Variants in LEKR1 observed in about 807,000 individuals in gnomAD.
LEKR1 encodes protein LEKR1.
In LEKR1, 59 loss-of-function variants were observed where a neutral mutation model predicts 72.4. That is an observed-to-expected ratio of 0.82 (90% CI 0.66 to 1.01). LEKR1 has a LOEUF of 1.01. LEKR1 is among the 50% of genes least tolerant of loss of function. The probability of loss-of-function intolerance (pLI) is 0.00; values close to 1 mark genes in which losing one functional copy is unlikely to be tolerated. For synonymous variants in LEKR1, 257 were observed against 263.2 expected, an observed-to-expected ratio of 0.98 and a Z score of 0.23; for missense variants, 728 against 759.2, an observed-to-expected ratio of 0.96 and a Z score of 0.48.
At chr3:156,880,066 G>A (rs1719102055) in intron 3 of LEKR1, among the ~76,000 whole-genome samples, 1 of 152,222 alleles carries the variant, frequency 6.6e-6, no homozygotes, top group Non-Finnish European at 1.5e-5. Context: ...GCCTAGTGGA[G>A]CTATGAGAAG....
chr3:157,008,494 G>A (rs1303277672), intron 9 of LEKR1, among the ~76,000 whole-genome samples: 1 of 152,094 alleles, frequency 6.6e-6, no homozygotes, highest in Non-Finnish European at 1.5e-5. Flanking sequence ...CAACCACTCA[G>A]TTTAGGAAAA....
intron 6 of LEKR1, among the ~76,000 whole-genome samples, chr3:156,960,660 C>T (rs1294430855): frequency 6.6e-6 from 1 of 152,064 alleles, no homozygotes; most frequent in Non-Finnish European, 1.5e-5. Context: ...CATTTTTTCC[C>T]TTTATTTCTG....
chr3:156,932,184 A>G (rs1725287198), intron 5 of LEKR1, among the ~76,000 whole-genome samples: 1 of 152,198 alleles, frequency 6.6e-6, no homozygotes, highest in Admixed American at 6.5e-5. Context: ...AGTAATGTGT[A>G]TATTTGTGTC....
intron 4 of LEKR1, chr3:156,924,730 A>G (rs2108574442): frequency 2.5e-6 from 1 of 404,766 alleles, no homozygotes; most frequent in East Asian, 3.6e-5. Context: ...GAATTGCCTC[A>G]GCATCTTTGC....
At chr3:157,043,434 A>G (rs1314273711) in intron 12 of LEKR1, among the ~76,000 whole-genome samples, 1 of 145,072 alleles carries the variant, frequency 6.9e-6, no homozygotes, top group Non-Finnish European at 1.5e-5. Context: ...GCAAAACCAG[A>G]TGAAAATGTC....
At chr3:156,865,502 C>T (rs577270881) in intron 3 of LEKR1, among the ~76,000 whole-genome samples, 114 of 152,178 alleles carry the variant, frequency 7.5e-4, no homozygotes, top group African/African-American at 2.7e-3. Flanking sequence ...TCACCTTCCT[C>T]TTAAATATTT....
At chr3:156,946,551 G>A (rs1414252116) in intron 6 of LEKR1, among the ~76,000 whole-genome samples, 7 of 151,188 alleles carry the variant, frequency 4.6e-5, no homozygotes, top group Non-Finnish European at 1.0e-4. Context: ...ATTTTTCCCT[G>A]CTCAGTATGA....
At chr3:157,005,552 C>T (rs1732357843) in intron 9 of LEKR1, among the ~76,000 whole-genome samples, 1 of 151,932 alleles carries the variant, frequency 6.6e-6, no homozygotes, top group African/African-American at 2.4e-5. Flanking sequence ...AAATTCTAAA[C>T]AAAATTTTAG....
chr3:156,900,248 C>T (rs933698712), intron 3 of LEKR1, among the ~76,000 whole-genome samples: 1 of 152,042 alleles, frequency 6.6e-6, no homozygotes, highest in Non-Finnish European at 1.5e-5. Flanking sequence ...TAGATTCTTA[C>T]GTAAAATCTC....
intron 6 of LEKR1, among the ~76,000 whole-genome samples, chr3:156,949,479 G>A (rs1250008981): frequency 1.3e-5 from 2 of 151,362 alleles, no homozygotes; most frequent in African/African-American, 4.8e-5. Flanking sequence ...GTAGGTTTGC[G>A]TTTTTATTTC....
intron 10 of LEKR1, among the ~76,000 whole-genome samples, chr3:157,012,002 C>CA (rs981837570): frequency 7.3e-4 from 110 of 150,752 alleles, no homozygotes; most frequent in East Asian, 1.6e-3. Context: ...TGTTAGAGAA[C>CA]AAAAAAAAAT....
At chr3:156,886,099 T>C (rs1015191576) in intron 3 of LEKR1, among the ~76,000 whole-genome samples, 3 of 152,144 alleles carry the variant, frequency 2.0e-5, no homozygotes, top group Non-Finnish European at 4.4e-5. Context: ...TAGGCAGGTC[T>C]GGGTTCAGAC....
intron 3 of LEKR1, among the ~76,000 whole-genome samples, chr3:156,858,230 G>A (rs144874239): frequency 2.6e-5 from 4 of 152,068 alleles, no homozygotes; most frequent in Middle Eastern, 3.4e-3. Flanking sequence ...GTTTATTTGC[G>A]TTTGATTGAG....
intron 7 of LEKR1, among the ~76,000 whole-genome samples, chr3:156,982,798 GAT>G (rs902385268): frequency 1.3e-5 from 2 of 151,344 alleles, no homozygotes; most frequent in Non-Finnish European, 2.9e-5. Context: ...AACATATATG[GAT>G]ATAAAATATA....
intron 7 of LEKR1, among the ~76,000 whole-genome samples, chr3:156,983,922 C>G (rs778064413): frequency 3.3e-5 from 5 of 152,030 alleles, no homozygotes; most frequent in Non-Finnish European, 5.9e-5. Flanking sequence ...GAAGAAACAC[C>G]TCCCCCCAAG....
intron 3 of LEKR1, among the ~76,000 whole-genome samples, chr3:156,918,522 A>G (rs998787103): frequency 3.3e-5 from 5 of 152,112 alleles, no homozygotes; most frequent in Non-Finnish European, 7.4e-5. Flanking sequence ...GATACCAAAG[A>G]TGATAGACCA....
rs191962384 is a variant in LEKR1, at chr3:156,935,405, A to G, written c.560-7124A>G. Among the ~76,000 whole-genome samples, 679 of 152,292 alleles carry G rather than the reference A, an allele frequency of 4.5e-3. 2 individuals carry two copies. Among genetic ancestry groups the G allele is most frequent in the African/African-American group, 0.016 (656 of 41,574 alleles). ...GTGCTATCACAGCAATCAAATTTCC[A>G]GGGCATGGATGTACAAACATGTGCA... On this transcript the variant is annotated intron_variant, in intron 5 of 12. Transcript: ENST00000356539.
chr3:156,917,086 C>T (rs1723727798), intron 3 of LEKR1, among the ~76,000 whole-genome samples: 3 of 151,614 alleles, frequency 2.0e-5, no homozygotes, highest in Admixed American at 2.0e-4. Flanking sequence ...ATTCATGGGA[C>T]AAGAAAAGGG....
In LEKR1 at chr3:157,045,834, AT is replaced by A; in HGVS notation, c.*85del. ...GAATTCACTGTAACTGAGAATGACA[AT>A]GATAAAATTATTTTCACAGATCAGG... is the stretch of plus-strand genomic sequence containing the variant. On this transcript the variant is annotated 3_prime_UTR_variant, in exon 13 of 13. Transcript: ENST00000356539. 1 of 1,214,428 alleles carries A rather than the reference AT, an allele frequency of 8.2e-7. No homozygotes were observed. Among genetic ancestry groups the A allele is most frequent in the Non-Finnish European group, 1.2e-6 (1 of 865,518 alleles). 75.2% of individuals were successfully genotyped at this position (1,214,428 alleles called of 1,614,324 possible).
Sources: allele counts gnomAD v4.1 joint callset (sites outside exome capture counted in the v4.1 genomes callset), GRCh38; gene constraint gnomAD v4.1.1; transcripts MANE v1.5; gene names NCBI Gene and HGNC (gene_info 2026-07-23, HGNC 2026-07-21).